Variants in SLC26A3 observed in about 807,000 individuals in gnomAD.
The protein encoded by SLC26A3 is chloride anion exchanger.
A neutral mutation model predicts 85.6 loss-of-function variants in SLC26A3; 64 were observed. That is an observed-to-expected ratio of 0.75 (90% confidence interval 0.61 to 0.92). SLC26A3 has a LOEUF of 0.92. SLC26A3 is among the 40% of genes least tolerant of loss of function. The pLI is 0.00. For missense variants in SLC26A3, 922 were observed against 927.3 expected (o/e 0.99, Z 0.07); for synonymous variants, 349 against 336.0 (o/e 1.04, Z -0.42).
At chr7:107,801,925 C>CAAAAAAAAA (rs11356401) in intron 1 of SLC26A3, among the ~76,000 whole-genome samples, 2 of 91,260 alleles carry the variant, frequency 2.2e-5, no homozygotes, top group Non-Finnish European at 2.4e-5. Context: ...ACTGAAAATA[C>CAAAAAAAAA]AAAAAAAAAA....
chr7:107,797,601 G>T (rs1323421053), intron 1 of SLC26A3, among the ~76,000 whole-genome samples: 3 of 152,120 alleles, frequency 2.0e-5, no homozygotes. Context: ...GCTTCCAAAA[G>T]CTATGCCTCC....
chr7:107,779,645 C>G, intron 12 of SLC26A3, 23 bp downstream of exon 12: 3 of 1,555,490 alleles, frequency 1.9e-6, no homozygotes, highest in Non-Finnish European at 2.7e-6. Flanking sequence ...ATCTCTCTTT[C>G]AAATACTATT....
chr7:107,787,739 T>C (rs1461289839), intron 6 of SLC26A3, among the ~76,000 whole-genome samples: 1 of 152,252 alleles, frequency 6.6e-6, no homozygotes, highest in African/African-American at 2.4e-5. Flanking sequence ...AGTTTAAGAA[T>C]GCTTCTGGCA....
chr7:107,776,172 C>A (rs948410547), intron 15 of SLC26A3: 1 of 456,560 alleles, frequency 2.2e-6, no homozygotes, highest in Non-Finnish European at 4.0e-6. Context: ...TAAAAGCTAG[C>A]AGCCCAAAAC....
intron 4 of SLC26A3, among the ~76,000 whole-genome samples, chr7:107,791,555 T>G (rs1458168736): frequency 6.6e-6 from 1 of 151,868 alleles, no homozygotes; most frequent in African/African-American, 2.4e-5. Context: ...GAGGTTGCAG[T>G]GAGCTGAGAT....
chr7:107,796,212 G>A (rs1405066610), intron 1 of SLC26A3, among the ~76,000 whole-genome samples: 3 of 151,746 alleles, frequency 2.0e-5, no homozygotes, highest in South Asian at 2.1e-4. Flanking sequence ...AGGCTCAAGC[G>A]GTCCTCCTGT....
rs73727209 is a variant in SLC26A3 at position 107,790,969 on chromosome 7, G to C, written c.570+79C>G. ...AAGGGAAGATGGGGAGGAGTGGCAG[G>C]GGGGAGGAAAAATAGAGAGATGTGT... On this transcript the variant is annotated intron_variant, in intron 5 of 20. Coordinates refer to ENST00000340010, the MANE Select transcript of SLC26A3 (RefSeq NM_000111.3). The C allele has an allele frequency of 6.7e-3, 9,681 of 1,450,242 alleles. 450 individuals are homozygous for C. The African/African-American group carries it at 0.11, about 16-fold the overall frequency. 89.8% of individuals were successfully genotyped at this position (1,450,242 alleles called of 1,614,324 possible).
intron 1 of SLC26A3, among the ~76,000 whole-genome samples, chr7:107,801,974 A>T (rs1794606689): frequency 6.6e-6 from 1 of 151,226 alleles, no homozygotes; most frequent in Admixed American, 6.6e-5. Flanking sequence ...TGCCTGTAGT[A>T]TCAGCTACTT....
intron 13 of SLC26A3, 112 bp from the exon 14 acceptor site, chr7:107,776,818 A>G: frequency 1.1e-6 from 1 of 949,392 alleles, no homozygotes; most frequent in Non-Finnish European, 1.7e-6. Flanking sequence ...AAAATGTAAA[A>G]GGTTGGGGAA....
intron 7 of SLC26A3, among the ~76,000 whole-genome samples, 166 bp from the exon 8 acceptor site, chr7:107,787,075 C>G (rs1794308677): frequency 2.0e-5 from 3 of 152,204 alleles, no homozygotes; most frequent in Admixed American, 2.0e-4. Flanking sequence ...AACATGCCGC[C>G]AGGATTGAGA....
intron 1 of SLC26A3, among the ~76,000 whole-genome samples, chr7:107,798,659 C>T (rs1157836996): frequency 6.6e-6 from 1 of 152,158 alleles, no homozygotes; most frequent in African/African-American, 2.4e-5. Context: ...TCCGCAGTCA[C>T]ATTAGATGCC....
intron 16 of SLC26A3, 35 bp from the exon 17 acceptor site, chr7:107,774,188 C>A (rs753595696): frequency 4.5e-5 from 67 of 1,500,020 alleles, no homozygotes; most frequent in Non-Finnish European, 4.0e-5. Flanking sequence ...AAAACTGTGA[C>A]CAAGAAAAAC....
chr7:107,792,893 A>G (rs1794427274), intron 3 of SLC26A3, among the ~76,000 whole-genome samples: 1 of 152,266 alleles, frequency 6.6e-6, no homozygotes, highest in African/African-American at 2.4e-5. Context: ...CAACTCCACA[A>G]CAAAAAGACA....
intron 1 of SLC26A3, among the ~76,000 whole-genome samples, chr7:107,801,017 C>A (rs1794589960): frequency 6.6e-6 from 1 of 152,210 alleles, no homozygotes. Flanking sequence ...GGATTTCACA[C>A]CCAGTAGGCT....
chr7:107,776,786 T>C (rs1794123508), intron 13 of SLC26A3, 80 bp from the exon 14 acceptor site: 4 of 1,301,348 alleles, frequency 3.1e-6, no homozygotes, highest in African/African-American at 2.9e-5. Flanking sequence ...TTTTCCAGCA[T>C]ACCAAAGCAG....
In SLC26A3 at chr7:107,786,995, C is replaced by G. The variant is rs1055826783; in HGVS notation, c.889-86G>C. 3 of 1,120,016 alleles carry G rather than the reference C, an allele frequency of 2.7e-6. No individual in the cohort carries two copies. The African/African-American group carries it at 4.6e-5, about 17-fold the overall frequency. 69.4% of individuals were successfully genotyped at this position (1,120,016 alleles called of 1,614,324 possible). A position where few individuals can be genotyped will look rare whatever the true frequency, so the allele number is the denominator to read the frequency against. ...AAGAAAAATAAATTGCCAAAACCCA[C>G]TTCTGTACCTGTTAAGTAAGAACTC... On this transcript the variant is annotated intron_variant, in intron 7 of 20. Transcript: ENST00000340010.
chr7:107,786,941 T>A (rs377098592), intron 7 of SLC26A3, 32 bp from the exon 8 acceptor site: 5 of 1,562,532 alleles, frequency 3.2e-6, no homozygotes, highest in Non-Finnish European at 4.4e-6. Context: ...AAGTTAGAAA[T>A]GTGAGATGCA....
At chr7:107,789,821 A>C in intron 5 of SLC26A3, 133 bp from the exon 6 acceptor site, 1 of 932,240 alleles carries the variant, frequency 1.1e-6, no homozygotes, top group Non-Finnish European at 1.6e-6. Flanking sequence ...GAAGAAGCAA[A>C]TGTCCCTGCC....
chr7:107,774,191 A>AGAAAAACATT (rs1378622119), intron 16 of SLC26A3, 38 bp from the exon 17 acceptor site: 4 of 1,487,976 alleles, frequency 2.7e-6, no homozygotes, highest in Non-Finnish European at 3.8e-6. Context: ...ACTGTGACCA[A>AGAAAAACATT]GAAAAACATT....
Sources: gnomAD v4.1 joint callset for allele counts (sites outside exome capture counted in the v4.1 genomes callset) on GRCh38, gnomAD v4.1.1 for gene constraint, MANE v1.5 for transcripts, NCBI Gene and HGNC (gene_info 2026-07-23, HGNC 2026-07-21) for gene names.